Variants in CNTN6 observed in about 807,000 individuals in gnomAD.
The protein encoded by CNTN6 is contactin 6, also known as contactin-6.
A neutral mutation model predicts 122.8 loss-of-function variants in CNTN6; 137 were observed. The ratio of observed to expected loss-of-function variants is 1.12; its 90% CI spans 0.97 to 1.29. The LOEUF is 1.29. Ranked by LOEUF, CNTN6 falls within the 50% of genes most tolerant of loss-of-function variation. CNTN6 has a pLI of 0.00. For synonymous variants in CNTN6, 570 were observed against 426.0 expected (o/e 1.34, Z -4.16); for missense variants, 1,634 against 1,223.4 (o/e 1.34, Z -5.01).
At chr3:1,283,303 G>GTT (rs1346226902) in intron 5 of CNTN6, among the ~76,000 whole-genome samples, 2 of 152,132 alleles carry the variant, frequency 1.3e-5, no homozygotes, top group African/African-American at 2.4e-5. Context: ...GGAGCAGGAT[G>GTT]TTACCGTGCC....
chr3:1,399,835 CA>C (rs1390984732), intron 20 of CNTN6, among the ~76,000 whole-genome samples: 1 of 152,082 alleles, frequency 6.6e-6, no homozygotes, highest in African/African-American at 2.4e-5. Flanking sequence ...GAAATTTAAA[CA>C]AACACATAAC....
At chr3:1,239,617 C>T (rs1269174914) in intron 4 of CNTN6, among the ~76,000 whole-genome samples, 1 of 152,138 alleles carries the variant, frequency 6.6e-6, no homozygotes, top group Non-Finnish European at 1.5e-5. Flanking sequence ...TCTACAAAGT[C>T]AGTGCAATTC....
At position 1,147,930 on chromosome 3, in the gene CNTN6, C is replaced by A. The variant is rs193165252; in HGVS notation, c.-79C>A. 65 of 1,009,550 alleles carry A rather than the reference C, an allele frequency of 6.4e-5. No individual in the cohort carries two copies. The Admixed American group carries it at 8.8e-4, about 14-fold the overall frequency. 62.5% of individuals were successfully genotyped at this position (1,009,550 alleles called of 1,614,324 possible). A position where few individuals can be genotyped will look rare whatever the true frequency, so the allele number is the denominator to read the frequency against. ...ATGACAATTTTGTCTTTTTCAGACT[C>A]TTGAGATACTGACTGGAAGATAGAC... On this transcript the variant is annotated 5_prime_UTR_variant, in exon 2 of 23. Transcript: ENST00000446702.
intron 12 of CNTN6, among the ~76,000 whole-genome samples, chr3:1,359,668 G>C (rs1048460144): frequency 6.6e-6 from 1 of 152,032 alleles, no homozygotes; most frequent in Non-Finnish European, 1.5e-5. Context: ...TCATGCACTT[G>C]TCTAAGAGGA....
chr3:1,260,456 C>T (rs1479457600), intron 4 of CNTN6, among the ~76,000 whole-genome samples: 1 of 151,996 alleles, frequency 6.6e-6, no homozygotes, highest in East Asian at 1.9e-4. Context: ...TTGCTGAGTA[C>T]CATAGCGAGT....
At chr3:1,114,879 G>A (rs1486907359) in intron 1 of CNTN6, among the ~76,000 whole-genome samples, 1 of 152,160 alleles carries the variant, frequency 6.6e-6, no homozygotes, top group Non-Finnish European at 1.5e-5. Flanking sequence ...GAAGAAGCAA[G>A]TGAATTACTG....
rs114444925 is a variant in CNTN6, at chr3:1,334,260, G to A, written c.1364+4325G>A. Among the ~76,000 whole-genome samples the A allele has an allele frequency of 1.9e-3, 296 of 152,200 alleles. 1 individual carries two copies. Among genetic ancestry groups the A allele is most frequent in the African/African-American group, 6.7e-3 (278 of 41,558 alleles). ...CACTTATATTGAAGAGAAGCAAAAG[G>A]CATATTCCTGCAGGAGAACCAGGAA... On this transcript the variant is annotated intron_variant, in intron 11 of 22. Coordinates refer to ENST00000446702, the MANE Select transcript of CNTN6 (RefSeq NM_001289080.2).
intron 4 of CNTN6, among the ~76,000 whole-genome samples, chr3:1,253,052 G>A (rs3772336): frequency 0.071 from 10,787 of 152,170 alleles, 781 homozygotes; most frequent in East Asian, 0.33. Context: ...TCCTATGTGC[G>A]TGTTCTAATC....
chr3:1,220,847 G>A (rs1315605774), intron 3 of CNTN6, 34 bp downstream of exon 3: 2 of 1,563,886 alleles, frequency 1.3e-6, no homozygotes, highest in African/African-American at 1.4e-5. Context: ...ACACTATTTT[G>A]TTCTTCCTCA....
intron 4 of CNTN6, among the ~76,000 whole-genome samples, chr3:1,245,932 A>G (rs916124960): frequency 1.3e-5 from 2 of 152,224 alleles, no homozygotes; most frequent in Non-Finnish European, 2.9e-5. Context: ...AAATTGCAAA[A>G]AAATCTCATA....
chr3:1,252,909 C>G (rs1433268320), intron 4 of CNTN6, among the ~76,000 whole-genome samples: 1 of 152,090 alleles, frequency 6.6e-6, no homozygotes, highest in African/African-American at 2.4e-5. Flanking sequence ...AAGTAATGTT[C>G]TCAGGGCATT....
intron 17 of CNTN6, 56 bp from the exon 18 acceptor site, chr3:1,382,886 G>C: frequency 8.9e-7 from 1 of 1,118,786 alleles, no homozygotes; most frequent in South Asian, 1.3e-5. Flanking sequence ...AAACATTATA[G>C]TAGCTTAATA....
At chr3:1,342,579 C>T (rs1704059135) in intron 11 of CNTN6, among the ~76,000 whole-genome samples, 1 of 151,994 alleles carries the variant, frequency 6.6e-6, no homozygotes, top group Non-Finnish European at 1.5e-5. Flanking sequence ...TAATTACACT[C>T]TGCCTAATAT....
intron 4 of CNTN6, among the ~76,000 whole-genome samples, chr3:1,246,965 T>C (rs765903259): frequency 6.6e-6 from 1 of 152,164 alleles, no homozygotes; most frequent in Non-Finnish European, 1.5e-5. Context: ...CTGTGTCGCT[T>C]GCCTTTTCAC....
In CNTN6 at chr3:1,278,469, G is replaced by C. The variant is rs1198130936; in HGVS notation, c.415G>C (p.Gly139Arg). The C allele has an allele frequency of 8.7e-6, 14 of 1,612,472 alleles. No homozygotes were observed. Among genetic ancestry groups the C allele is most frequent in the Non-Finnish European group, 1.2e-5 (14 of 1,178,954 alleles). ...RSTVSVREGQ[G>R]VVLLCGPPPH... is the part of the protein sequence containing the mutation. ...CACAGTATCTGTCCGAGAAGGTCAA[G>C]GTGTGGTGCTTCTCTGTGGCCCACC... is the stretch of plus-strand genomic sequence containing the variant. Residue 139 changes from glycine to arginine, a missense_variant, in exon 5 of 23, where the codon GGT becomes CGT. Coordinates refer to ENST00000446702, the MANE Select transcript of CNTN6 (RefSeq NM_001289080.2).
At chr3:1,279,463 T>C (rs1692989564) in intron 5 of CNTN6, among the ~76,000 whole-genome samples, 2 of 152,222 alleles carry the variant, frequency 1.3e-5, no homozygotes, top group African/African-American at 4.8e-5. Flanking sequence ...TTCTTAAATT[T>C]TCACAAAAAC....
chr3:1,145,429 T>C (rs1011896993), intron 1 of CNTN6, among the ~76,000 whole-genome samples: 20 of 152,140 alleles, frequency 1.3e-4, no homozygotes, highest in Non-Finnish European at 2.2e-4. Flanking sequence ...TGATGGTACA[T>C]AGGGAGATGG....
At chr3:1,136,419 A>G (rs1349557928) in intron 1 of CNTN6, among the ~76,000 whole-genome samples, 3 of 152,154 alleles carry the variant, frequency 2.0e-5, no homozygotes, top group African/African-American at 7.2e-5. Context: ...GAATCCCATG[A>G]TCATGGAAGT....
At chr3:1,342,673 C>G (rs1054707984) in intron 11 of CNTN6, among the ~76,000 whole-genome samples, 1 of 151,960 alleles carries the variant, frequency 6.6e-6, no homozygotes, top group Non-Finnish European at 1.5e-5. Flanking sequence ...GATCTTATTG[C>G]GACAATTCTG....
Sources: gnomAD v4.1 joint callset for allele counts (sites outside exome capture counted in the v4.1 genomes callset) on GRCh38, gnomAD v4.1.1 for gene constraint, MANE v1.5 for transcripts, NCBI Gene and HGNC (gene_info 2026-07-23, HGNC 2026-07-21) for gene names.